AGAP1: variants seen among roughly 807,000 people sequenced by gnomAD.
AGAP1 encodes the protein ArfGAP with GTPase domain, ankyrin repeat and PH domain 1, also known as arf-GAP with GTPase, ANK repeat and PH domain-containing protein 1.
In AGAP1, 29 loss-of-function variants were observed where a neutral mutation model predicts 105.3. The ratio of observed to expected loss-of-function variants is 0.28; its 90% confidence interval spans 0.21 to 0.38. The LOEUF is 0.38. Among genes scored for constraint, AGAP1 ranks in the 10% least tolerant of loss-of-function variants. The pLI is 1.00. For synonymous variants in AGAP1, 509 were observed against 485.9 expected (o/e 1.05, Z -0.63); for missense variants, 998 against 1,165.1 (o/e 0.86, Z 2.09).
intron 6 of AGAP1, among the ~76,000 whole-genome samples, chr2:235,771,733 A>G (rs868601846): frequency 6.6e-6 from 1 of 151,548 alleles, no homozygotes; most frequent in Non-Finnish European, 1.5e-5. Context: ...CCTTCTTCCA[A>G]CTCACTCCTT....
intron 7 of AGAP1, among the ~76,000 whole-genome samples, chr2:235,798,773 G>C (rs1308080042): frequency 6.6e-6 from 1 of 151,622 alleles, no homozygotes; most frequent in African/African-American, 2.4e-5. Context: ...GGAGGCTGAG[G>C]TGGGGGGATC....
intron 1 of AGAP1, among the ~76,000 whole-genome samples, chr2:235,645,784 G>A (rs1468528260): frequency 6.6e-6 from 1 of 152,204 alleles, no homozygotes; most frequent in Non-Finnish European, 1.5e-5. Context: ...CCTGTTTCTT[G>A]TGTTAAATCA....
chr2:235,774,248 A>T (rs1955684798), intron 6 of AGAP1: 1 of 424,584 alleles, frequency 2.4e-6, no homozygotes, highest in South Asian at 1.7e-5. Flanking sequence ...AAAATCCGTA[A>T]GGCAGAAATT....
intron 1 of AGAP1, among the ~76,000 whole-genome samples, chr2:235,499,214 G>C (rs1238239208): frequency 6.6e-6 from 1 of 152,182 alleles, no homozygotes; most frequent in Non-Finnish European, 1.5e-5. Flanking sequence ...CCCATAGGCC[G>C]TGTGTGCAAA....
chr2:235,890,162 C>CTT (rs3059035), intron 10 of AGAP1, among the ~76,000 whole-genome samples: 1,774 of 132,454 alleles, frequency 0.013, 34 homozygotes, highest in South Asian at 0.024. Context: ...TAGTTATTCC[C>CTT]TTTTTTTTTT....
In AGAP1 at chr2:235,957,018, A is replaced by T. The variant is rs562947069; in HGVS notation, c.1484-11444A>T. On this transcript the variant is annotated intron_variant, in intron 12 of 17. Transcript: ENST00000304032. This position sits in a 1 kb window ranked among gnomAD's most constrained non-coding sequence, Gnocchi z 4.6. ...TTTTAAACAGCTTTATTCAGATAAA[A>T]ATCACATAACACACTTCTCCCATTT... is the stretch of plus-strand genomic sequence containing the variant. 3.9e-5 allele frequency among the ~76,000 whole-genome samples: 6 copies of T among 152,374 alleles called. No individual in the cohort carries two copies. The highest frequency in any genetic ancestry group is 5.9e-5 in the Non-Finnish European group (4 of 68,042).
chr2:235,595,813 C>T (rs889392427), intron 1 of AGAP1, among the ~76,000 whole-genome samples: 6 of 152,152 alleles, frequency 3.9e-5, no homozygotes, highest in Non-Finnish European at 8.8e-5. Context: ...GGAAAGTTTC[C>T]GTTGTCTTTG....
intron 16 of AGAP1, among the ~76,000 whole-genome samples, chr2:236,086,178 G>A (rs72973088): frequency 2.0e-5 from 3 of 152,192 alleles, no homozygotes; most frequent in Non-Finnish European, 4.4e-5. Flanking sequence ...TAAAGTATTC[G>A]GTGATTAAAT....
intron 13 of AGAP1, among the ~76,000 whole-genome samples, chr2:235,969,854 G>A (rs773921573): frequency 1.3e-5 from 2 of 152,110 alleles, no homozygotes; most frequent in South Asian, 2.1e-4. Flanking sequence ...CCTTCACCAC[G>A]TTTCTTCCTG....
intron 2 of AGAP1, among the ~76,000 whole-genome samples, chr2:235,709,837 C>T (rs748387998): frequency 1.1e-4 from 16 of 152,172 alleles, no homozygotes; most frequent in Non-Finnish European, 1.5e-4. Flanking sequence ...CAGCCGCTCC[C>T]CTCTACCGTA....
intron 1 of AGAP1, among the ~76,000 whole-genome samples, chr2:235,706,471 G>T (rs60589135): frequency 6.6e-6 from 1 of 151,752 alleles, no homozygotes; most frequent in Non-Finnish European, 1.5e-5. Context: ...CTCGTGATCC[G>T]CCCGCCTCGG....
intron 11 of AGAP1, among the ~76,000 whole-genome samples, chr2:235,917,223 G>C (rs1376103235): frequency 6.6e-6 from 1 of 152,026 alleles, no homozygotes; most frequent in Non-Finnish European, 1.5e-5. Flanking sequence ...CCTTCAGGAG[G>C]GTTGAAGCTG....
intron 6 of AGAP1, among the ~76,000 whole-genome samples, chr2:235,796,011 C>T (rs539618377): frequency 6.6e-6 from 1 of 152,286 alleles, no homozygotes; most frequent in Admixed American, 6.5e-5. Flanking sequence ...AAAATGTCTG[C>T]AAAGCTCTCA....
Position 235,616,957 on chromosome 2 carries a change from T to A in AGAP1, c.164-92222T>A, listed in dbSNP as rs905715826. ...TGAACAAACGTGCATCTTTAAATTTTTTTTATTTTTTTTTTTTAAGCTTGG... is the reference window on the plus strand; with the variant it reads ...TGAACAAACGTGCATCTTTAAATTTATTTTATTTTTTTTTTTTAAGCTTGG... On this transcript the variant is annotated intron_variant, in intron 1 of 17. Coordinates refer to ENST00000304032, the MANE Select transcript of AGAP1 (RefSeq NM_001037131.3). 2.9e-4 allele frequency among the ~76,000 whole-genome samples: 44 copies of A among 151,968 alleles called. 1 individual carries two copies. The highest frequency in any genetic ancestry group is 1.0e-3 in the African/African-American group (43 of 41,372).
chr2:235,800,989 G>A (rs920713705), intron 8 of AGAP1, among the ~76,000 whole-genome samples: 4 of 152,164 alleles, frequency 2.6e-5, no homozygotes, highest in East Asian at 1.9e-4. Context: ...GTTACATTGC[G>A]ATTCCTGCCA....
intron 3 of AGAP1, among the ~76,000 whole-genome samples, chr2:235,731,732 G>A (rs904193343): frequency 6.6e-6 from 1 of 152,138 alleles, no homozygotes; most frequent in Non-Finnish European, 1.5e-5. Context: ...CAGCCGACAT[G>A]GATTAGCTCA....
At chr2:235,778,725 T>C (rs955162562) in intron 6 of AGAP1, among the ~76,000 whole-genome samples, 4 of 152,174 alleles carry the variant, frequency 2.6e-5, no homozygotes, top group African/African-American at 9.7e-5. Context: ...CCACACAAGG[T>C]AGGACTCAGC....
rs1319345902 is a variant in AGAP1, at chr2:236,058,797, A to G, written c.2114+9516A>G. On this transcript the variant is annotated intron_variant, in intron 16 of 17. Transcript: ENST00000304032. The surrounding 1 kb of genome is among the most constrained non-coding windows in gnomAD (Gnocchi z 4.6). ...AACTACCTCCATTTCCAGATGACAT[A>G]ATCTTTTATGTGGAAAATCCTAAGG... 6.6e-6 allele frequency among the ~76,000 whole-genome samples: 1 copy of G among 152,324 alleles called. No individual in the cohort carries two copies. Among genetic ancestry groups the G allele is most frequent in the Non-Finnish European group, 1.5e-5 (1 of 68,026 alleles).
intron 1 of AGAP1, among the ~76,000 whole-genome samples, chr2:235,571,095 G>C (rs925084065): frequency 1.3e-5 from 2 of 152,104 alleles, no homozygotes; most frequent in Non-Finnish European, 2.9e-5. Context: ...GTTGCAGGGG[G>C]CTGTGCCACA....
Sources: gnomAD v4.1 joint callset for allele counts (sites outside exome capture counted in the v4.1 genomes callset) on GRCh38, gnomAD v4.1.1 for gene constraint, Gnocchi (gnomAD v3.1) non-coding constraint, MANE v1.5 for transcripts, NCBI Gene and HGNC (gene_info 2026-07-23, HGNC 2026-07-21) for gene names.